RIMS2: variants seen among roughly 807,000 people sequenced by gnomAD.
RIMS2 encodes the protein regulating synaptic membrane exocytosis protein 2.
Under a neutral mutation model 174.4 loss-of-function variants are expected in RIMS2, and 59 were observed. The observed-to-expected ratio is 0.34, with a 90% CI of 0.27 to 0.42. The LOEUF is 0.42. RIMS2 is among the 10% of genes least tolerant of loss of function. The pLI is 1.00. For missense variants in RIMS2, 1,620 were observed against 1,666.3 expected, an observed-to-expected ratio of 0.97 and a Z score of 0.48; for synonymous variants, 606 against 572.5, an observed-to-expected ratio of 1.06 and a Z score of -0.84.
At chr8:103,691,087 T>A (rs2097017887) in intron 1 of RIMS2, among the ~76,000 whole-genome samples, 2 of 152,222 alleles carry the variant, frequency 1.3e-5, no homozygotes, top group South Asian at 4.1e-4. Context: ...CTGTGTTTTC[T>A]CTTTCTTTTC....
At chr8:103,946,167 C>G (rs1565462147) in intron 14 of RIMS2, among the ~76,000 whole-genome samples, 1 of 152,146 alleles carries the variant, frequency 6.6e-6, no homozygotes, top group Non-Finnish European at 1.5e-5. Context: ...ATACTAGAAT[C>G]TATTCATTAA....
intron 19 of RIMS2, among the ~76,000 whole-genome samples, chr8:104,192,192 T>A (rs2099001290): frequency 6.6e-6 from 1 of 152,198 alleles, no homozygotes; most frequent in Non-Finnish European, 1.5e-5. Flanking sequence ...CAACAGTATC[T>A]GCATTGAAAG....
chr8:103,751,460 C>A, intron 2 of RIMS2, among the ~76,000 whole-genome samples: 1 of 151,552 alleles, frequency 6.6e-6, no homozygotes, highest in Admixed American at 6.6e-5. Flanking sequence ...GGGTATATAC[C>A]CAGTAATGGG....
chr8:103,784,465 C>T (rs1233002352), intron 3 of RIMS2, among the ~76,000 whole-genome samples: 3 of 123,936 alleles, frequency 2.4e-5, no homozygotes, highest in Admixed American at 8.8e-5. Flanking sequence ...AGGAAGGGAT[C>T]CAGTTTCAGC....
At chr8:103,590,794 T>A (rs2094214654) in intron 1 of RIMS2, among the ~76,000 whole-genome samples, 1 of 151,318 alleles carries the variant, frequency 6.6e-6, no homozygotes, top group South Asian at 2.1e-4. Flanking sequence ...TTTTTGAGAT[T>A]CATTTATGTT....
intron 19 of RIMS2, among the ~76,000 whole-genome samples, chr8:104,023,603 G>A (rs1284376935): frequency 6.6e-6 from 1 of 152,176 alleles, no homozygotes; most frequent in Non-Finnish European, 1.5e-5. Context: ...AATAGGTTGA[G>A]TGGGAATATC....
intron 1 of RIMS2, among the ~76,000 whole-genome samples, chr8:103,521,687 C>G (rs1469103758): frequency 6.6e-6 from 1 of 152,022 alleles, no homozygotes; most frequent in African/African-American, 2.4e-5. Context: ...GCTCCGGTGT[C>G]ATGCCAAATG....
intron 2 of RIMS2, among the ~76,000 whole-genome samples, chr8:103,738,394 AAG>A (rs2097715165): frequency 2.0e-5 from 3 of 152,226 alleles, no homozygotes; most frequent in Non-Finnish European, 4.4e-5. Flanking sequence ...AGATGGATTA[AAG>A]ATTTAATTGT....
intron 14 of RIMS2, among the ~76,000 whole-genome samples, chr8:103,946,409 T>A (rs2083786173): frequency 6.6e-6 from 1 of 152,082 alleles, no homozygotes; most frequent in South Asian, 2.1e-4. Flanking sequence ...GGATAATCGC[T>A]TGAACTTGGG....
chr8:103,747,441 AT>A (rs1242788749), intron 2 of RIMS2, among the ~76,000 whole-genome samples: 3 of 152,134 alleles, frequency 2.0e-5, no homozygotes, highest in Middle Eastern at 3.4e-3. Context: ...CAAAAAAAAA[AT>A]ATGACATGAT....
chr8:104,204,068 C>G (rs553256860), intron 19 of RIMS2, among the ~76,000 whole-genome samples: 54 of 152,230 alleles, frequency 3.5e-4, no homozygotes, highest in African/African-American at 1.3e-3. Context: ...CCATTCCACC[C>G]ACATTAAAAA....
chr8:103,620,727 G>C (rs1420092710), intron 1 of RIMS2, among the ~76,000 whole-genome samples: 1 of 152,104 alleles, frequency 6.6e-6, no homozygotes, highest in African/African-American at 2.4e-5. Flanking sequence ...TAATAAAATT[G>C]TGATAATACC....
At chr8:103,732,150 G>T (rs561705756) in intron 2 of RIMS2, among the ~76,000 whole-genome samples, 15 of 152,216 alleles carry the variant, frequency 9.9e-5, no homozygotes, top group Non-Finnish European at 2.2e-4. Context: ...CCATATCTAC[G>T]TAAGGGGGTA....
chr8:103,864,726 C>A (rs1209051566), intron 3 of RIMS2, among the ~76,000 whole-genome samples: 1 of 152,068 alleles, frequency 6.6e-6, no homozygotes, highest in African/African-American at 2.4e-5. Flanking sequence ...AAATTAATTT[C>A]TTATTCCCAC....
chr8:103,617,033 T>C lies in RIMS2; in HGVS notation c.177-80053T>C, dbSNP rs138912906. On this transcript the variant is annotated intron_variant, in intron 1 of 23. Transcript: ENST00000504942. ...CTAGAAAAATCTATTTTAAAATTCA[T>C]GTGGAACCAAAAAGCCCAGATAGCG... is the stretch of plus-strand genomic sequence containing the variant. Among the ~76,000 whole-genome samples the C allele has an allele frequency of 2.7e-3, 412 of 152,288 alleles. 4 individuals carry two copies. The highest frequency in any genetic ancestry group is 9.6e-3 in the African/African-American group (401 of 41,582).
intron 1 of RIMS2, among the ~76,000 whole-genome samples, chr8:103,528,402 C>T (rs1203064088): frequency 6.6e-6 from 1 of 152,080 alleles, no homozygotes; most frequent in Non-Finnish European, 1.5e-5. Flanking sequence ...TTAATTAGAT[C>T]CCATTTGTCA....
At position 103,766,204 on chromosome 8, in the gene RIMS2, TCCCCC is replaced by T. The variant is rs2098169270; in HGVS notation, c.388-22_388-18del. Reference sequence around the variant, plus strand: ...TTAACTTTTGGGAACACTAATTTTTTCCCCCTATGTCTTCATGTGCAGGTTATGTG... The same window carrying T: ...TTAACTTTTGGGAACACTAATTTTTTTATGTCTTCATGTGCAGGTTATGTG... On this transcript the variant is annotated intron_variant, in intron 2 of 23. Transcript: ENST00000504942. The T allele has an allele frequency of 6.6e-7, 1 of 1,523,650 alleles. No individual in the cohort carries two copies. Among genetic ancestry groups the T allele is most frequent in the Non-Finnish European group, 8.9e-7 (1 of 1,127,892 alleles). The allele number at this position is 1,523,650 out of a possible 1,614,324, so 94.4% of individuals were successfully genotyped here.
chr8:103,819,673 C>T, intron 3 of RIMS2: 2 of 1,473,100 alleles, frequency 1.4e-6, no homozygotes, highest in Non-Finnish European at 1.9e-6. Flanking sequence ...TTGTTATTTT[C>T]AGAATAATCT....
At chr8:103,500,742 A>C, upstream of RIMS2, 2 of 522,710 alleles carry the variant, frequency 3.8e-6, no homozygotes, top group Non-Finnish European at 6.8e-6. Context: ...TTCTTGGGGG[A>C]GGGGGGCTGT....
Sources: allele counts gnomAD v4.1 joint callset (sites outside exome capture counted in the v4.1 genomes callset), GRCh38; gene constraint gnomAD v4.1.1; transcripts MANE v1.5; gene names NCBI Gene and HGNC (gene_info 2026-07-23, HGNC 2026-07-21).